FAM222B: variants seen among roughly 807,000 people sequenced by gnomAD.
The protein encoded by FAM222B is protein FAM222B.
In FAM222B, 12 loss-of-function variants were observed where a neutral mutation model predicts 38.0. The observed-to-expected ratio is 0.32, with a 90% CI of 0.20 to 0.51. The LOEUF (loss-of-function observed/expected upper bound fraction) is 0.51, where lower values mean the gene tolerates loss of function less well. FAM222B is among the 20% of genes least tolerant of loss of function. The pLI, the probability that FAM222B is intolerant of heterozygous loss-of-function variation, is 0.97. For synonymous variants in FAM222B, 329 were observed against 317.2 expected (o/e 1.04, Z -0.40); for missense variants, 716 against 754.2 (o/e 0.95, Z 0.59).
At chr17:28,781,849 G>T (rs753748049) in intron 1 of FAM222B, among the ~76,000 whole-genome samples, 26 of 152,186 alleles carry the variant, frequency 1.7e-4, no homozygotes, top group Non-Finnish European at 3.1e-4. Flanking sequence ...GAAGCAGAGA[G>T]ATAATGGGCT....
chr17:28,784,488 TC>T, intron 1 of FAM222B, among the ~76,000 whole-genome samples: 1 of 43,012 alleles, frequency 2.3e-5, no homozygotes, highest in East Asian at 8.6e-4. Context: ...AGATCCCCTC[TC>T]TTAAAAAAAA....
intron 1 of FAM222B, among the ~76,000 whole-genome samples, chr17:28,816,983 T>G (rs1450309704): frequency 6.6e-6 from 1 of 152,146 alleles, no homozygotes; most frequent in Non-Finnish European, 1.5e-5. Context: ...ACTCATTCAC[T>G]AACATCATCA....
At position 28,766,637 on chromosome 17, in the gene FAM222B, G is replaced by C. The variant is rs1019559750; in HGVS notation, c.31C>G (p.Leu11Val). Residue 11 changes from leucine (L) to valine (V), a missense_variant, in exon 2 of 3, where the codon CTG (leucine) becomes GTG (valine). Leu to Val is a conservative substitution (Grantham distance 32, BLOSUM62 1). Transcript: ENST00000581407. ...GTGTGAGAAAGAAGCTGAAAGGACA[G>C]GTCACCTGGCCCTGGTAGACAGGCT... is the stretch of plus-strand genomic sequence containing the variant. MLACLPGPGD[L>V]SFQLLSHTQM... 1 of 1,606,608 alleles carries C rather than the reference G, an allele frequency of 6.2e-7. No individual in the cohort carries two copies. The highest frequency in any genetic ancestry group is 8.5e-7 in the Non-Finnish European group (1 of 1,176,454).
intron 1 of FAM222B, among the ~76,000 whole-genome samples, chr17:28,812,921 G>A (rs971612050): frequency 1.4e-5 from 2 of 145,986 alleles, no homozygotes; most frequent in African/African-American, 5.1e-5. Flanking sequence ...CAACTGCACT[G>A]CACTGTAACA....
In FAM222B at chr17:28,758,153, G is replaced by A. The variant is rs1393028911; in HGVS notation, c.*117C>T. The A allele has an allele frequency of 1.1e-6, 1 of 921,748 alleles. No homozygotes were observed. The highest frequency in any genetic ancestry group is 2.7e-5 in the East Asian group (1 of 37,406). 57.1% of individuals were successfully genotyped at this position (921,748 alleles called of 1,614,324 possible). ...AGATCCCACCAAATTCCCTTTCTTAGACATCTAAGAATGATCACACTGGAG... is the reference window on the plus strand; with the variant it reads ...AGATCCCACCAAATTCCCTTTCTTAAACATCTAAGAATGATCACACTGGAG... On this transcript the variant is annotated 3_prime_UTR_variant, in exon 3 of 3. Transcript: ENST00000581407.
intron 1 of FAM222B, among the ~76,000 whole-genome samples, chr17:28,833,246 T>C (rs940553316): frequency 1.3e-5 from 2 of 148,748 alleles, no homozygotes; most frequent in Non-Finnish European, 3.0e-5. Flanking sequence ...GAAGTGGAGG[T>C]TGCAGTGAGC....
Position 28,758,265 on chromosome 17 carries a change from G to C in FAM222B, c.*5C>G. 1 of 1,557,922 alleles carries C rather than the reference G, an allele frequency of 6.4e-7. No individual in the cohort carries two copies. Among genetic ancestry groups the C allele is most frequent in the Non-Finnish European group, 8.7e-7 (1 of 1,152,174 alleles). Reference sequence around the variant, plus strand: ...TGTGTTGCACGTGGAGGGCAGCAGGGCTACCTATCTATACCCTGGGTGCTG... The same window carrying C: ...TGTGTTGCACGTGGAGGGCAGCAGGCCTACCTATCTATACCCTGGGTGCTG... On this transcript the variant is annotated 3_prime_UTR_variant, in exon 3 of 3. Coordinates refer to ENST00000581407, the MANE Select transcript of FAM222B (RefSeq NM_001077498.3).
intron 1 of FAM222B, chr17:28,777,234 A>G (rs1255380336): frequency 6.6e-6 from 1 of 152,152 alleles, no homozygotes; most frequent in Non-Finnish European, 1.5e-5. Flanking sequence ...GCCACAAACC[A>G]TCTTCATGCT....
intron 1 of FAM222B, chr17:28,790,475 T>G (rs2036611295): frequency 6.6e-6 from 1 of 152,148 alleles, no homozygotes; most frequent in South Asian, 2.1e-4. Flanking sequence ...ACCAGACAAG[T>G]CCAAATTGAG....
intron 1 of FAM222B, among the ~76,000 whole-genome samples, chr17:28,813,038 GGGGA>G (rs2037864927): frequency 2.8e-5 from 2 of 71,286 alleles, no homozygotes; most frequent in Admixed American, 1.4e-4. Context: ...GGGGGGGGGG[GGGGA>G]GGGGGGGGCG....
At chr17:28,798,320 T>A (rs968384587) in intron 1 of FAM222B, among the ~76,000 whole-genome samples, 1 of 152,084 alleles carries the variant, frequency 6.6e-6, no homozygotes, top group Admixed American at 6.6e-5. Flanking sequence ...AGGTTGAGGC[T>A]GCAGTGAGCC....
chr17:28,822,169 G>A (rs535080561), intron 1 of FAM222B, among the ~76,000 whole-genome samples: 154 of 149,738 alleles, frequency 1.0e-3, no homozygotes, highest in African/African-American at 3.7e-3. Context: ...CTACGGGCAC[G>A]CGCCACCACA....
intron 1 of FAM222B, among the ~76,000 whole-genome samples, chr17:28,790,884 C>CAATTTTTTTTTTTTTTTTTTTTT (rs71135852): frequency 1.2e-5 from 1 of 86,062 alleles, no homozygotes; most frequent in African/African-American, 4.6e-5. Context: ...AATTGTTTCA[C>CAATTTTTTTTTTTTTTTTTTTTT]TTTTTTTTTT....
intron 1 of FAM222B, among the ~76,000 whole-genome samples, chr17:28,826,894 A>G (rs2038460823): frequency 1.3e-5 from 2 of 152,044 alleles, no homozygotes; most frequent in South Asian, 4.1e-4. Flanking sequence ...TAATCCCAGC[A>G]CTTTGCGAGG....
intron 1 of FAM222B, among the ~76,000 whole-genome samples, chr17:28,789,914 T>A (rs2036587683): frequency 6.6e-6 from 1 of 152,084 alleles, no homozygotes; most frequent in African/African-American, 2.4e-5. Flanking sequence ...AGACATTGAG[T>A]GGGTACACTG....
intron 1 of FAM222B, among the ~76,000 whole-genome samples, chr17:28,787,698 C>T (rs1271901442): frequency 1.3e-5 from 2 of 152,132 alleles, no homozygotes; most frequent in Admixed American, 6.6e-5. Context: ...AACAGATATA[C>T]AGTCCCTGTT....
At chr17:28,851,873 C>CAA (rs35357029) in intron 1 of FAM222B, among the ~76,000 whole-genome samples, 11 of 112,606 alleles carry the variant, frequency 9.8e-5, no homozygotes, top group Non-Finnish European at 1.7e-4. Context: ...GACTCCATCT[C>CAA]AAAAAAAAAA....
In FAM222B at chr17:28,774,877, G is replaced by A. The variant is rs1482346328; in HGVS notation, c.-40-8170C>T. Reference sequence around the variant, plus strand: ...GAATCGCTTGAACTCGGGAGGTGGAGGGTGCAGTGAGCTGAGATGGCACCA... The same window carrying A: ...GAATCGCTTGAACTCGGGAGGTGGAAGGTGCAGTGAGCTGAGATGGCACCA... On this transcript the variant is annotated intron_variant, in intron 1 of 2. Transcript: ENST00000581407. Among the ~76,000 whole-genome samples the A allele has an allele frequency of 1.3e-5, 2 of 151,898 alleles. 1 individual carries two copies. The highest frequency in any genetic ancestry group is 1.3e-4 in the Admixed American group (2 of 15,250).
intron 1 of FAM222B, among the ~76,000 whole-genome samples, chr17:28,778,669 A>C (rs1347393817): frequency 2.2e-5 from 2 of 90,030 alleles, no homozygotes; most frequent in Admixed American, 1.3e-4. Flanking sequence ...ATGCCTAGCT[A>C]ATTTTTTTTT....
Sources: gnomAD v4.1 joint callset for allele counts (sites outside exome capture counted in the v4.1 genomes callset) on GRCh38, gnomAD v4.1.1 for gene constraint, MANE v1.5 for transcripts, NCBI Gene and HGNC (gene_info 2026-07-23, HGNC 2026-07-21) for gene names.